The following PHACTR1 variants were observed in gnomAD, a reference collection of about 807,000 sequenced individuals.
PHACTR1 encodes the protein phosphatase and actin regulator 1, also known as RPEL repeat containing 1.
A neutral mutation model predicts 69.2 loss-of-function variants in PHACTR1; 16 were observed. That is an observed-to-expected ratio of 0.23 (90% CI 0.16 to 0.35). The LOEUF is 0.35. Ranked by LOEUF, PHACTR1 falls within the 10% of genes least tolerant of loss-of-function variation. The pLI is 1.00. For synonymous variants in PHACTR1, 312 were observed against 284.5 expected (o/e 1.10, Z -0.97); for missense variants, 510 against 734.7 (o/e 0.69, Z 3.54).
At position 13,241,135 on chromosome 6, in the gene PHACTR1, C is replaced by T. The variant is rs1280580840; in HGVS notation, c.1391+10942C>T. ...TATCTTGGTGGACTGTAGAGTTCCA[C>T]AGTGGCAGTGGGTCAAGCTATGTGC... On this transcript the variant is annotated intron_variant, in intron 10 of 14. Transcript: ENST00000332995. 3.9e-5 allele frequency among the ~76,000 whole-genome samples: 6 copies of T among 152,132 alleles called. No homozygotes were observed. The South Asian group carries it at 1.0e-3, about 26-fold the overall frequency.
intron 4 of PHACTR1, among the ~76,000 whole-genome samples, chr6:12,794,617 A>G (rs765550418): frequency 6.6e-6 from 1 of 152,278 alleles, no homozygotes; most frequent in African/African-American, 2.4e-5. Flanking sequence ...TCAACATGTC[A>G]TCGGCATAAA....
At chr6:13,089,039 C>G (rs1206362425) in intron 5 of PHACTR1, among the ~76,000 whole-genome samples, 1 of 152,198 alleles carries the variant, frequency 6.6e-6, no homozygotes, top group Non-Finnish European at 1.5e-5. Context: ...TGCTTCATCT[C>G]CTCTGTCTCC....
chr6:13,147,888 C>A (rs1015755212), intron 5 of PHACTR1, among the ~76,000 whole-genome samples: 7 of 152,152 alleles, frequency 4.6e-5, no homozygotes, highest in African/African-American at 1.7e-4. Flanking sequence ...CGTGTAACCA[C>A]TGCCCAAGTC....
chr6:13,272,272 A>C (rs936261173), intron 10 of PHACTR1: 4 of 152,878 alleles, frequency 2.6e-5, no homozygotes, highest in Admixed American at 1.3e-4. Flanking sequence ...ACGGTGGCTA[A>C]ATTTCACGCC....
chr6:12,973,426 A>G, intron 4 of PHACTR1, among the ~76,000 whole-genome samples: 1 of 152,240 alleles, frequency 6.6e-6, no homozygotes, highest in Admixed American at 6.5e-5. Context: ...TTAATAAATT[A>G]CAAAATAACT....
chr6:13,154,697 C>G (rs1484730024), intron 5 of PHACTR1, among the ~76,000 whole-genome samples: 1 of 151,794 alleles, frequency 6.6e-6, no homozygotes, highest in African/African-American at 2.4e-5. Flanking sequence ...GTCAGCTCAC[C>G]CTCACACCTC....
intron 5 of PHACTR1, among the ~76,000 whole-genome samples, chr6:13,142,474 T>C (rs1305364144): frequency 1.3e-5 from 2 of 152,322 alleles, no homozygotes; most frequent in South Asian, 4.1e-4. Flanking sequence ...AAAAAGCCAT[T>C]GCCTAATCCA....
chr6:13,110,003 G>A (rs1816785980), intron 5 of PHACTR1, among the ~76,000 whole-genome samples: 1 of 151,528 alleles, frequency 6.6e-6, no homozygotes, highest in African/African-American at 2.4e-5. Flanking sequence ...ATATTTCTTT[G>A]TTGTTTTTTT....
intron 4 of PHACTR1, among the ~76,000 whole-genome samples, chr6:12,851,730 T>G (rs1462361166): frequency 6.6e-6 from 1 of 152,230 alleles, no homozygotes; most frequent in Non-Finnish European, 1.5e-5. Flanking sequence ...AATAAAAATC[T>G]TACACAATCA....
chr6:12,737,522 T>C (rs774133019), intron 3 of PHACTR1, among the ~76,000 whole-genome samples: 1 of 152,102 alleles, frequency 6.6e-6, no homozygotes, highest in Non-Finnish European at 1.5e-5. Flanking sequence ...TTTATATATA[T>C]ATATACATCT....
In PHACTR1 at chr6:13,206,237, A is replaced by T. The variant is rs540487902; in HGVS notation, c.986+101A>T. 2.5e-6 allele frequency: 3 copies of T among 1,198,818 alleles called. No individual in the cohort carries two copies. The South Asian group carries it at 5.4e-5, about 21-fold the overall frequency. The allele number at this position is 1,198,818 out of a possible 1,614,324, so 74.3% of individuals were successfully genotyped here. A position where few individuals can be genotyped will look rare whatever the true frequency, so the allele number is the denominator to read the frequency against. On this transcript the variant is annotated intron_variant, in intron 8 of 14. Transcript: ENST00000332995. The stretch of plus-strand genomic sequence containing the variant: ...GACTTAGGAATGTGAACAAGGGGTC[A>T]TCCCCACTGGGGGAAAATGTTTGAA...
At chr6:13,223,354 A>G (rs1013951355) in intron 8 of PHACTR1, among the ~76,000 whole-genome samples, 1 of 152,212 alleles carries the variant, frequency 6.6e-6, no homozygotes, top group Non-Finnish European at 1.5e-5. Context: ...CCACTCTTCT[A>G]TTTTGGTGCA....
chr6:12,795,215 T>C (rs1772827658), intron 4 of PHACTR1, among the ~76,000 whole-genome samples: 5 of 150,378 alleles, frequency 3.3e-5, no homozygotes, highest in Admixed American at 3.3e-4. Context: ...TGATATTTCC[T>C]AGAGAGAGAA....
intron 8 of PHACTR1, among the ~76,000 whole-genome samples, chr6:13,206,346 A>T (rs1035450084): frequency 2.6e-5 from 4 of 152,254 alleles, no homozygotes; most frequent in Admixed American, 6.5e-5. Context: ...AATCACATTT[A>T]TCGGAAAGAA....
At chr6:13,215,825 A>C (rs538473096) in intron 8 of PHACTR1, among the ~76,000 whole-genome samples, 22 of 152,222 alleles carry the variant, frequency 1.4e-4, no homozygotes, top group Admixed American at 4.6e-4. Flanking sequence ...TGGCATAGTC[A>C]ATGTACATCT....
At chr6:12,966,047 A>C (rs1192754060) in intron 4 of PHACTR1, among the ~76,000 whole-genome samples, 7 of 152,188 alleles carry the variant, frequency 4.6e-5, no homozygotes, top group Non-Finnish European at 8.8e-5. Flanking sequence ...GAGTAGAATC[A>C]ATAGGCTTTG....
intron 4 of PHACTR1, among the ~76,000 whole-genome samples, chr6:12,980,237 C>T (rs1038176749): frequency 1.3e-5 from 2 of 152,114 alleles, no homozygotes; most frequent in African/African-American, 2.4e-5. Context: ...TGTGTGTGTA[C>T]GTGTGCATGT....
intron 6 of PHACTR1, among the ~76,000 whole-genome samples, chr6:13,166,176 G>A (rs1759777584): frequency 6.6e-6 from 1 of 152,138 alleles, no homozygotes; most frequent in Admixed American, 6.5e-5. Context: ...CCTTGGCTGA[G>A]GTGTCACCTT....
intron 4 of PHACTR1, among the ~76,000 whole-genome samples, chr6:13,044,869 C>T (rs956568941): frequency 2.6e-5 from 4 of 152,144 alleles, no homozygotes; most frequent in South Asian, 2.1e-4. Flanking sequence ...AATGTCCTAC[C>T]GGTTCTTCTT....
Sources: gnomAD v4.1 joint callset for allele counts (sites outside exome capture counted in the v4.1 genomes callset) on GRCh38, gnomAD v4.1.1 for gene constraint, MANE v1.5 for transcripts, NCBI Gene and HGNC (gene_info 2026-07-23, HGNC 2026-07-21) for gene names.